The following NTM variants were observed in gnomAD, a reference collection of about 807,000 sequenced individuals.
NTM encodes IgLON family member 2.
In NTM, 13 loss-of-function variants were observed where a neutral mutation model predicts 42.1. The ratio of observed to expected loss-of-function variants is 0.31; its 90% CI spans 0.20 to 0.49. The LOEUF (loss-of-function observed/expected upper bound fraction) is 0.49. Ranked by LOEUF, NTM falls within the 20% of genes least tolerant of loss-of-function variation. The probability of loss-of-function intolerance (pLI) is 0.99; values close to 1 mark genes in which losing one functional copy is unlikely to be tolerated. For synonymous variants in NTM, 187 were observed against 179.2 expected, an observed-to-expected ratio of 1.04 and a Z score of -0.35; for missense variants, 373 against 452.8, an observed-to-expected ratio of 0.82 and a Z score of 1.60.
intron 2 of NTM, among the ~76,000 whole-genome samples, chr11:131,924,658 T>C (rs1209335625): frequency 8.0e-6 from 1 of 124,770 alleles, no homozygotes; most frequent in Non-Finnish European, 1.7e-5. Flanking sequence ...GTGTCCTGTT[T>C]GGCGAGCTCC....
At chr11:131,421,009 C>T (rs1947455299) in intron 1 of NTM, among the ~76,000 whole-genome samples, 1 of 152,032 alleles carries the variant, frequency 6.6e-6, no homozygotes, top group Non-Finnish European at 1.5e-5. Context: ...CTTTCTTCAT[C>T]CCAAGCAGAT....
At chr11:132,095,203 C>T (rs1206242422) in intron 2 of NTM, among the ~76,000 whole-genome samples, 1 of 152,184 alleles carries the variant, frequency 6.6e-6, no homozygotes, top group East Asian at 1.9e-4. Flanking sequence ...TCCTTGAGCT[C>T]TTCATCTGCT....
chr11:131,555,008 C>T (rs956129526), intron 1 of NTM, among the ~76,000 whole-genome samples: 3 of 152,058 alleles, frequency 2.0e-5, no homozygotes, highest in African/African-American at 7.2e-5. Context: ...TCTAAATCAC[C>T]ATTATGGGCC....
intron 1 of NTM, among the ~76,000 whole-genome samples, chr11:131,785,214 G>T (rs1168154800): frequency 1.3e-5 from 2 of 152,136 alleles, no homozygotes; most frequent in South Asian, 2.1e-4. Context: ...AACATATCTG[G>T]GTGTGGGCAG....
intron 1 of NTM, among the ~76,000 whole-genome samples, chr11:131,803,291 T>C (rs1011238100): frequency 6.6e-6 from 1 of 150,514 alleles, no homozygotes; most frequent in African/African-American, 2.5e-5. Context: ...ACTAACGTAT[T>C]TTGGGAGTGG....
intron 1 of NTM, among the ~76,000 whole-genome samples, chr11:131,740,608 A>G (rs531756986): frequency 3.4e-4 from 51 of 151,844 alleles, no homozygotes; most frequent in African/African-American, 1.2e-3. Flanking sequence ...CTAATCCATG[A>G]GTCTCTCTCT....
intron 1 of NTM, among the ~76,000 whole-genome samples, chr11:131,590,084 T>C (rs58380390): frequency 0.036 from 5,536 of 152,310 alleles, 289 homozygotes; most frequent in African/African-American, 0.12. Flanking sequence ...TCTTTCAGTC[T>C]ATTTTGATCA....
At chr11:131,851,981 C>CAAT (rs2045603759) in intron 1 of NTM, among the ~76,000 whole-genome samples, 3 of 152,120 alleles carry the variant, frequency 2.0e-5, no homozygotes, top group African/African-American at 7.2e-5. Context: ...GAACCCGGGT[C>CAAT]TGGGGTGCTT....
intron 7 of NTM, among the ~76,000 whole-genome samples, chr11:132,316,444 T>C (rs368914844): frequency 9.8e-5 from 15 of 152,308 alleles, no homozygotes; most frequent in African/African-American, 3.6e-4. Context: ...GTTTCTACCA[T>C]TGCCAGCTCT....
chr11:132,275,493 T>G (rs1395164265), intron 4 of NTM, among the ~76,000 whole-genome samples: 1 of 151,872 alleles, frequency 6.6e-6, no homozygotes, highest in Admixed American at 6.6e-5. Context: ...ATTTCTCTTT[T>G]TTTTCATTTT....
intron 2 of NTM, among the ~76,000 whole-genome samples, chr11:132,029,676 T>C (rs1044705760): frequency 6.6e-6 from 1 of 152,110 alleles, no homozygotes; most frequent in Non-Finnish European, 1.5e-5. Flanking sequence ...TATGGGCCTT[T>C]AGTTGTGAAA....
At chr11:131,667,305 T>A (rs1340028460) in intron 1 of NTM, among the ~76,000 whole-genome samples, 1 of 152,166 alleles carries the variant, frequency 6.6e-6, no homozygotes, top group Non-Finnish European at 1.5e-5. Flanking sequence ...TAGTCCTTAC[T>A]CCTTCTGCCT....
At chr11:131,931,468 C>CGTGTGTGT (rs147069139) in intron 2 of NTM, among the ~76,000 whole-genome samples, 2,033 of 142,670 alleles carry the variant, frequency 0.014, 31 homozygotes, top group East Asian at 0.044. Flanking sequence ...ATAATATATA[C>CGTGTGTGT]GTGTGTGTGT....
At chr11:131,910,722 C>T (rs888020055) in intron 1 of NTM, 19 of 536,346 alleles carry the variant, frequency 3.5e-5, no homozygotes, top group Non-Finnish European at 4.5e-5. Flanking sequence ...AGCGAGCTAC[C>T]GAGCTTGGGG....
At chr11:131,551,489 TTC>T (rs949374291) in intron 1 of NTM, among the ~76,000 whole-genome samples, 7 of 151,506 alleles carry the variant, frequency 4.6e-5, no homozygotes, top group Non-Finnish European at 8.8e-5. Context: ...TGGAATTCAA[TTC>T]TCAGTGTACA....
chr11:131,395,639 C>T (rs1413326261), intron 1 of NTM, among the ~76,000 whole-genome samples: 2 of 152,268 alleles, frequency 1.3e-5, no homozygotes, highest in East Asian at 3.9e-4. Flanking sequence ...ATCATTAGAA[C>T]CGCTCTGAGT....
intron 1 of NTM, among the ~76,000 whole-genome samples, chr11:131,784,786 T>C (rs1045304532): frequency 6.6e-6 from 1 of 152,238 alleles, no homozygotes; most frequent in African/African-American, 2.4e-5. Flanking sequence ...TAAAGTTGGT[T>C]AGAGAGTTCA....
At position 131,841,101 on chromosome 11, in the gene NTM, T is replaced by C. The variant is rs77406206; in HGVS notation, c.83-70463T>C. Among the ~76,000 whole-genome samples, 768 of 152,344 alleles carry C rather than the reference T, an allele frequency of 5.0e-3. 23 individuals are homozygous for C. In the East Asian group the frequency reaches 0.071, roughly 14 times the overall value. ...CATTTTTAAGACATTTTATAGGTCA[T>C]GCACTGTTCTTGGCTCTGGAGACAT... On this transcript the variant is annotated intron_variant, in intron 1 of 8. Coordinates refer to ENST00000683400, the MANE Select transcript of NTM (RefSeq NM_001352005.2).
chr11:131,536,651 T>C (rs1024068077), intron 1 of NTM: 5 of 152,192 alleles, frequency 3.3e-5, no homozygotes, highest in African/African-American at 7.2e-5. Flanking sequence ...CTGACACTTT[T>C]GATTGTATAA....
Sources: allele counts gnomAD v4.1 joint callset (sites outside exome capture counted in the v4.1 genomes callset), GRCh38; gene constraint gnomAD v4.1.1; transcripts MANE v1.5; gene names NCBI Gene and HGNC (gene_info 2026-07-23, HGNC 2026-07-21).